The following METTL22 variants were observed in gnomAD, a reference collection of about 807,000 sequenced individuals.
METTL22 encodes the protein methyltransferase-like protein 22.
Under a neutral mutation model 48.4 loss-of-function variants are expected in METTL22, and 51 were observed. That is an observed-to-expected ratio of 1.05 (90% CI 0.84 to 1.33). The LOEUF is 1.33. Ranked by LOEUF, METTL22 falls within the 40% of genes most tolerant of loss-of-function variation. METTL22 has a pLI of 0.00. For synonymous variants in METTL22, 255 were observed against 214.1 expected (o/e 1.19, Z -1.67); for missense variants, 678 against 526.9 (o/e 1.29, Z -2.81).
intron 1 of METTL22, among the ~76,000 whole-genome samples, chr16:8,623,049 C>T (rs117695817): frequency 0.015 from 2,208 of 152,180 alleles, 24 homozygotes; most frequent in Non-Finnish European, 0.024. Flanking sequence ...CCTGGTGGCT[C>T]ACACCTATAA....
Position 8,648,608 on chromosome 16 carries a change from CAA to C in METTL22, c.*2466_*2467del, listed in dbSNP as rs1481841869. Reference sequence around the variant, plus strand: ...TGCCATTGCACTCTAGCCTGGGCAACAAGAGCAAAACTCCATCTCAAAAAAAA... The same window carrying C: ...TGCCATTGCACTCTAGCCTGGGCAACGAGCAAAACTCCATCTCAAAAAAAA... On this transcript the variant is annotated 3_prime_UTR_variant, in exon 11 of 11. Transcript: ENST00000381920. The C allele has an allele frequency of 6.7e-6, 1 of 150,142 alleles. No individual in the cohort carries two copies. Among genetic ancestry groups the C allele is most frequent in the Non-Finnish European group, 1.5e-5 (1 of 68,370 alleles). 9.3% of individuals were successfully genotyped at this position (150,142 alleles called of 1,614,324 possible). A position where few individuals can be genotyped will look rare whatever the true frequency, so the allele number is the denominator to read the frequency against.
the METTL22 span, among the ~76,000 whole-genome samples, chr16:8,654,957 C>T: frequency 2.6e-5 from 4 of 152,186 alleles, no homozygotes; most frequent in Admixed American, 2.0e-4. Context: ...TAGCAGCAAA[C>T]TGAAGGTGGA....
At chr16:8,657,739 G>A in the METTL22 span, among the ~76,000 whole-genome samples, 1 of 151,968 alleles carries the variant, frequency 6.6e-6, no homozygotes, top group Non-Finnish European at 1.5e-5. Context: ...ATCTAATTAA[G>A]TTAAGGGTCT....
At chr16:8,628,677 TA>T (rs2056146117) in intron 2 of METTL22, 52 bp from the exon 3 acceptor site, 1 of 1,543,078 alleles carries the variant, frequency 6.5e-7, no homozygotes, top group Non-Finnish European at 8.7e-7. Context: ...AAGAGGAAGG[TA>T]AAAAAGAAAA....
At chr16:8,659,812 C>G in the METTL22 span, among the ~76,000 whole-genome samples, 2 of 151,972 alleles carry the variant, frequency 1.3e-5, no homozygotes, top group African/African-American at 4.8e-5. Context: ...CAGCCTCGAC[C>G]TCCTGGGCTC....
chr16:8,636,788 C>T (rs542786749), intron 5 of METTL22, among the ~76,000 whole-genome samples: 4 of 152,234 alleles, frequency 2.6e-5, no homozygotes, highest in East Asian at 1.9e-4. Flanking sequence ...TGTCTAATAA[C>T]GTGTCACTAG....
At chr16:8,659,185 G>C in the METTL22 span, among the ~76,000 whole-genome samples, 1 of 152,082 alleles carries the variant, frequency 6.6e-6, no homozygotes, top group Non-Finnish European at 1.5e-5. Context: ...ACAAAAATTA[G>C]TTGGGCACAG....
At chr16:8,652,577 G>A (rs899328935), downstream of METTL22, among the ~76,000 whole-genome samples, 1 of 151,678 alleles carries the variant, frequency 6.6e-6, no homozygotes, top group Non-Finnish European at 1.5e-5. Context: ...CCAGCACTTT[G>A]GGAGGCCGAG....
Position 8,641,142 on chromosome 16 carries a change from A to G in METTL22, c.784A>G (p.Arg262Gly). Reference protein sequence around the residue: ...HLAATGGGIVRVKELDWLKDD... With the variant: ...HLAATGGGIVGVKELDWLKDD... ...GTTTGTTTTTACAGGTGGTATAGTTAGGGTCAAAGAACTGGACTGGCTGAA... is the reference window on the plus strand; with the variant it reads ...GTTTGTTTTTACAGGTGGTATAGTTGGGGTCAAAGAACTGGACTGGCTGAA... Residue 262 changes from arginine (R) to glycine (G), a missense_variant, in exon 7 of 11, where the codon AGG (arginine) becomes GGG (glycine). Coordinates refer to ENST00000381920, the MANE Select transcript of METTL22 (RefSeq NM_024109.4). 18 of 1,613,952 alleles carry G rather than the reference A, an allele frequency of 1.1e-5. No individual in the cohort carries two copies. Among genetic ancestry groups the G allele is most frequent in the Non-Finnish European group, 1.5e-5 (18 of 1,179,938 alleles).
chr16:8,634,721 G>A (rs1489123227), intron 3 of METTL22, among the ~76,000 whole-genome samples: 2 of 152,152 alleles, frequency 1.3e-5, no homozygotes, highest in Non-Finnish European at 2.9e-5. Flanking sequence ...AAAAAGTAGT[G>A]CACTGCATGT....
At chr16:8,637,987 A>AAG (rs2056473605) in intron 5 of METTL22, among the ~76,000 whole-genome samples, 1 of 150,978 alleles carries the variant, frequency 6.6e-6, no homozygotes, top group East Asian at 1.9e-4. Flanking sequence ...AAAATACAAA[A>AAG]AAAAAAAAAA....
At chr16:8,624,538 C>G (rs2055975341) in intron 1 of METTL22, among the ~76,000 whole-genome samples, 1 of 152,022 alleles carries the variant, frequency 6.6e-6, no homozygotes, top group Non-Finnish European at 1.5e-5. Flanking sequence ...CGCCACGACA[C>G]CCGCCTAATT....
At chr16:8,639,034 T>G in intron 5 of METTL22, 57 bp from the exon 6 acceptor site, 333 of 1,550,648 alleles carry the variant, frequency 2.1e-4, no homozygotes, top group Middle Eastern at 3.4e-4. Context: ...GCAAAAAACA[T>G]GGAGATAAAA....
the METTL22 span, chr16:8,666,906 C>G: frequency 6.6e-6 from 1 of 151,956 alleles, no homozygotes; most frequent in Non-Finnish European, 1.5e-5. Context: ...CCTGCCTCAG[C>G]CTCCCTAGTA....
At chr16:8,627,835 TC>T (rs546494129) in intron 2 of METTL22, among the ~76,000 whole-genome samples, 90 of 152,190 alleles carry the variant, frequency 5.9e-4, no homozygotes, top group African/African-American at 2.0e-3. Flanking sequence ...AGCCTCGACC[TC>T]CCCAGGCTCA....
rs1449912602 is a variant in METTL22 at position 8,639,158 on chromosome 16, T to A, written c.768T>A (p.Thr256=). The change falls in exon 6 of 11, where the codon ACT becomes ACA. Residue 256 remains threonine, a synonymous_variant. Coordinates refer to ENST00000381920, the MANE Select transcript of METTL22 (RefSeq NM_024109.4). ...CCCTCAACAGCCACCTGGCTGCCAC[T>A]GGAGGTGAGGCCCAGGGGGTCTTCT... ...NIALNSHLAA[T]GGGIVRVKEL... 5.0e-6 allele frequency: 8 copies of A among 1,614,014 alleles called. No homozygotes were observed. Among genetic ancestry groups the A allele is most frequent in the Non-Finnish European group, 6.8e-6 (8 of 1,180,004 alleles).
chr16:8,663,423 G>GA, the METTL22 span, among the ~76,000 whole-genome samples: 4 of 151,736 alleles, frequency 2.6e-5, no homozygotes, highest in African/African-American at 4.8e-5. Flanking sequence ...ATTTTGGGGA[G>GA]AAAAAAAATC....
In METTL22 at chr16:8,626,398, A is replaced by G. The variant is rs540868549; in HGVS notation, c.133+600A>G. Among the ~76,000 whole-genome samples the G allele has an allele frequency of 5.3e-5, 8 of 151,144 alleles. No individual in the cohort carries two copies. In the South Asian group the frequency reaches 1.7e-3, roughly 32 times the overall value. On this transcript the variant is annotated intron_variant, in intron 2 of 10. Transcript: ENST00000381920. ...GCCAAACTTTGCCGTCAGCAAGCCCAGGGTCCACTGGGGAGACAAAGTGCT... is the reference window on the plus strand; with the variant it reads ...GCCAAACTTTGCCGTCAGCAAGCCCGGGGTCCACTGGGGAGACAAAGTGCT...
chr16:8,656,544 A>T, the METTL22 span, among the ~76,000 whole-genome samples: 1 of 152,246 alleles, frequency 6.6e-6, no homozygotes, highest in Non-Finnish European at 1.5e-5. Flanking sequence ...GCTTCTGAGA[A>T]AACAGCTGTG....
Sources: gnomAD v4.1 joint callset for allele counts (sites outside exome capture counted in the v4.1 genomes callset) on GRCh38, gnomAD v4.1.1 for gene constraint, MANE v1.5 for transcripts, NCBI Gene and HGNC (gene_info 2026-07-23, HGNC 2026-07-21) for gene names.